Variants in INPP4B observed in about 807,000 individuals in gnomAD.
INPP4B encodes inositol polyphosphate 4-phosphatase type II.
In INPP4B, 55 loss-of-function variants were observed where a neutral mutation model predicts 122.5. That is an observed-to-expected ratio of 0.45 (90% CI 0.36 to 0.56). The LOEUF (loss-of-function observed/expected upper bound fraction) is 0.56, where lower values mean the gene tolerates loss of function less well. Among genes scored for constraint, INPP4B ranks in the 20% least tolerant of loss-of-function variants. INPP4B has a pLI of 0.00. For synonymous variants in INPP4B, 403 were observed against 388.7 expected, an observed-to-expected ratio of 1.04 and a Z score of -0.43; for missense variants, 1,000 against 1,097.7, an observed-to-expected ratio of 0.91 and a Z score of 1.26.
chr4:142,191,386 A>G (rs1835763593), intron 15 of INPP4B, among the ~76,000 whole-genome samples: 1 of 152,174 alleles, frequency 6.6e-6, no homozygotes, highest in African/African-American at 2.4e-5. Context: ...GAATACCACA[A>G]AAATGTCATG....
chr4:142,122,187 A>G lies in INPP4B; in HGVS notation c.2076T>C (p.Val692=), dbSNP rs2270658. ...MAVGISDLKK[V]AFKIIEAKSN... is the part of the protein sequence containing the mutation. The stretch of plus-strand genomic sequence containing the variant: ...ATTTGGCTTCAATTATTTTAAATGC[A>G]ACTTTCTTTAAATCGGAAATGCCAA... Residue 692 remains valine, a synonymous_variant, in exon 21 of 26, where the codon GTT becomes GTC. Transcript: ENST00000262992. 0.1 allele frequency: 168,974 copies of G among 1,611,238 alleles called. 9,894 individuals are homozygous for G. The highest frequency in any genetic ancestry group is 0.23 in the East Asian group (10,299 of 44,696).
chr4:142,407,963 A>G (rs1803789756), intron 5 of INPP4B, among the ~76,000 whole-genome samples: 1 of 152,154 alleles, frequency 6.6e-6, no homozygotes, highest in African/African-American at 2.4e-5. Flanking sequence ...CTGGTGTTTT[A>G]TTATTGTGTA....
chr4:142,750,410 T>G (rs763958498), intron 1 of INPP4B, among the ~76,000 whole-genome samples: 8 of 152,086 alleles, frequency 5.3e-5, no homozygotes, highest in Non-Finnish European at 1.2e-4. Flanking sequence ...GAAAGAGGAA[T>G]GATTAAAGAA....
chr4:142,602,173 C>A (rs1197325779), intron 2 of INPP4B, among the ~76,000 whole-genome samples: 1 of 151,880 alleles, frequency 6.6e-6, no homozygotes, highest in African/African-American at 2.4e-5. Context: ...CGCTAGCATT[C>A]CTATACATCA....
chr4:142,336,956 T>C (rs911833640), intron 7 of INPP4B, among the ~76,000 whole-genome samples: 4 of 152,230 alleles, frequency 2.6e-5, no homozygotes, highest in Non-Finnish European at 5.9e-5. Context: ...ACAATCATTG[T>C]CCTTTTGTAA....
At chr4:142,835,969 C>T (rs1011372172) in intron 1 of INPP4B, among the ~76,000 whole-genome samples, 3 of 151,874 alleles carry the variant, frequency 2.0e-5, no homozygotes, top group African/African-American at 4.8e-5. Context: ...GGGTATGGTG[C>T]GTAATTCTTT....
At chr4:142,137,407 C>T (rs965454973) in intron 18 of INPP4B, among the ~76,000 whole-genome samples, 4 of 119,778 alleles carry the variant, frequency 3.3e-5, no homozygotes, top group Admixed American at 9.7e-5. Context: ...AAGACTTAAA[C>T]GTTAGACCTA....
intron 1 of INPP4B, among the ~76,000 whole-genome samples, chr4:142,811,991 A>G (rs866804934): frequency 1.1e-4 from 16 of 152,190 alleles, no homozygotes; most frequent in Non-Finnish European, 2.2e-4. Flanking sequence ...TCTATTTCAC[A>G]AAACATCTTT....
intron 11 of INPP4B, among the ~76,000 whole-genome samples, chr4:142,249,277 T>C (rs1037141400): frequency 6.6e-6 from 1 of 152,100 alleles, no homozygotes; most frequent in Non-Finnish European, 1.5e-5. Context: ...AATGGGAAAC[T>C]TTCTCACAGG....
intron 2 of INPP4B, among the ~76,000 whole-genome samples, chr4:142,478,119 C>A (rs917700586): frequency 2.4e-4 from 36 of 152,128 alleles, no homozygotes; most frequent in African/African-American, 7.5e-4. Context: ...GATTTGTGTG[C>A]ACTGATTTTG....
intron 2 of INPP4B, among the ~76,000 whole-genome samples, chr4:142,669,138 C>T (rs1193717670): frequency 2.6e-5 from 4 of 151,862 alleles, no homozygotes; most frequent in African/African-American, 9.7e-5. Context: ...TACACTGAAA[C>T]CGTAAAATAT....
chr4:142,342,808 C>A (rs77368579), intron 7 of INPP4B, among the ~76,000 whole-genome samples: 2 of 152,004 alleles, frequency 1.3e-5, no homozygotes, highest in Non-Finnish European at 2.9e-5. Flanking sequence ...ATCTCTGAAA[C>A]GGAGCTTTAT....
chr4:142,305,490 C>T lies in INPP4B; in HGVS notation c.471G>A (p.Lys157=). The T allele has an allele frequency of 6.2e-7, 1 of 1,613,066 alleles. No individual in the cohort carries two copies. The highest frequency in any genetic ancestry group is 8.5e-7 in the Non-Finnish European group (1 of 1,179,374). ...TCAGGACCAGCAATTGCTCCTTTGA[C>T]TTCAGCAGCTCTCCCACTTTAAAAC... The part of the protein sequence containing the change: ...YASFKVGELL[K]SKEQLLVLSL... Residue 157 remains lysine, a synonymous_variant, in exon 9 of 26, where the codon AAG becomes AAA. Transcript: ENST00000262992.
At chr4:142,697,125 A>C (rs1334573645) in intron 2 of INPP4B, among the ~76,000 whole-genome samples, 1 of 152,216 alleles carries the variant, frequency 6.6e-6, no homozygotes, top group Non-Finnish European at 1.5e-5. Flanking sequence ...AAGCAGCCTA[A>C]GTTACATTGT....
chr4:142,787,716 A>G (rs1775948498), intron 1 of INPP4B, among the ~76,000 whole-genome samples: 1 of 152,146 alleles, frequency 6.6e-6, no homozygotes, highest in Non-Finnish European at 1.5e-5. Context: ...TGGTGTTTAA[A>G]GAATAAAAAA....
intron 3 of INPP4B, among the ~76,000 whole-genome samples, chr4:142,441,462 T>C (rs1037120386): frequency 6.6e-6 from 1 of 152,186 alleles, no homozygotes; most frequent in East Asian, 1.9e-4. Flanking sequence ...TCAAGGATAG[T>C]TAATTTAGTT....
chr4:142,179,461 A>G (rs1829790858), intron 15 of INPP4B, among the ~76,000 whole-genome samples: 1 of 145,486 alleles, frequency 6.9e-6, no homozygotes, highest in East Asian at 2.0e-4. Context: ...CAACAGAACA[A>G]AACTCCATCT....
At chr4:142,196,695 C>T (rs961613180) in intron 14 of INPP4B, among the ~76,000 whole-genome samples, 5 of 152,006 alleles carry the variant, frequency 3.3e-5, no homozygotes, top group African/African-American at 7.2e-5. Flanking sequence ...AGTGGCTGGT[C>T]GGTTACTCTA....
intron 14 of INPP4B, among the ~76,000 whole-genome samples, chr4:142,200,097 CTCCAT>C (rs1840022029): frequency 6.6e-6 from 1 of 151,806 alleles, no homozygotes. Context: ...AACTCTTCTC[CTCCAT>C]TCATTTACTT....
Sources: gnomAD v4.1 joint callset for allele counts (sites outside exome capture counted in the v4.1 genomes callset) on GRCh38, gnomAD v4.1.1 for gene constraint, MANE v1.5 for transcripts, NCBI Gene and HGNC (gene_info 2026-07-23, HGNC 2026-07-21) for gene names.